The following GFOD1 variants were observed in gnomAD, a reference collection of about 807,000 sequenced individuals.
GFOD1 encodes the protein glucose-fructose oxidoreductase domain-containing protein 1.
GFOD1 carries 9 observed loss-of-function variants against 25.4 expected under a neutral mutation model. The observed-to-expected ratio is 0.35, with a 90% CI of 0.21 to 0.62. The LOEUF is 0.62. Ranked by LOEUF, GFOD1 falls within the 20% of genes least tolerant of loss-of-function variation. The pLI is 0.72. For synonymous variants in GFOD1, 253 were observed against 245.6 expected, an observed-to-expected ratio of 1.03 and a Z score of -0.28; for missense variants, 403 against 556.9, an observed-to-expected ratio of 0.72 and a Z score of 2.78.
chr6:13,469,867 G>C, intron 1 of GFOD1: 1 of 1,203,320 alleles, frequency 8.3e-7, no homozygotes. Context: ...AGTAACACTC[G>C]TACTATGTCT....
chr6:13,445,476 G>A (rs1484681240), intron 1 of GFOD1, among the ~76,000 whole-genome samples: 2 of 152,080 alleles, frequency 1.3e-5, no homozygotes, highest in Admixed American at 1.3e-4. Context: ...AAACTATTTA[G>A]GGAAACAAGC....
At chr6:13,374,513 C>T (rs113694893) in intron 1 of GFOD1, among the ~76,000 whole-genome samples, 7,058 of 151,658 alleles carry the variant, frequency 0.047, 303 homozygotes, top group African/African-American at 0.11. Context: ...TCCATGTTGG[C>T]CAGGCTGGTC....
chr6:13,365,746 C>T lies in GFOD1; in HGVS notation c.254-84G>A, dbSNP rs1785032549. The T allele has an allele frequency of 8.7e-6, 9 of 1,032,740 alleles. No homozygotes were observed. In the South Asian group the frequency reaches 1.2e-4, roughly 14 times the overall value. The allele number at this position is 1,032,740 out of a possible 1,614,324, so 64.0% of individuals were successfully genotyped here. ...CTGGGTCAGATCTTAAAATATTTCACATTAATAGAAAAAGAAGGTCAGATG... is the reference window on the plus strand; with the variant it reads ...CTGGGTCAGATCTTAAAATATTTCATATTAATAGAAAAAGAAGGTCAGATG... On this transcript the variant is annotated intron_variant, in intron 1 of 1. Coordinates refer to ENST00000379287, the MANE Select transcript of GFOD1 (RefSeq NM_018988.4). This position sits in a 1 kb window ranked among gnomAD's most constrained non-coding sequence, Gnocchi z 9.2.
chr6:13,403,257 C>T lies in GFOD1; in HGVS notation c.254-37595G>A, dbSNP rs187137491. Reference sequence around the variant, plus strand: ...TCTCCCGCCTCAGCCTCCTGAGTAGCTGGGATTACAGGCATGCACCACCAT... The same window carrying T: ...TCTCCCGCCTCAGCCTCCTGAGTAGTTGGGATTACAGGCATGCACCACCAT... On this transcript the variant is annotated intron_variant, in intron 1 of 1. Coordinates refer to ENST00000379287, the MANE Select transcript of GFOD1 (RefSeq NM_018988.4). Among the ~76,000 whole-genome samples the T allele has an allele frequency of 4.8e-3, 734 of 152,218 alleles. 3 individuals are homozygous for T. The highest frequency in any genetic ancestry group is 9.6e-3 in the Admixed American group (147 of 15,304).
intron 1 of GFOD1, among the ~76,000 whole-genome samples, chr6:13,427,566 G>A (rs190831060): frequency 1.6e-4 from 24 of 152,020 alleles, no homozygotes; most frequent in African/African-American, 5.3e-4. Context: ...CAGGAGGATC[G>A]CGTGAGCCCA....
intron 1 of GFOD1, among the ~76,000 whole-genome samples, chr6:13,465,895 T>C (rs569178626): frequency 1.2e-4 from 18 of 152,328 alleles, no homozygotes; most frequent in Non-Finnish European, 2.4e-4. Flanking sequence ...AACACCCAGC[T>C]GACACAGGAA....
intron 1 of GFOD1, among the ~76,000 whole-genome samples, chr6:13,393,497 G>A (rs1022067386): frequency 2.0e-5 from 3 of 151,408 alleles, no homozygotes; most frequent in Admixed American, 2.0e-4. Context: ...AGACCCTGCA[G>A]ACACAGCAAC....
intron 1 of GFOD1, among the ~76,000 whole-genome samples, chr6:13,386,859 A>C (rs994140193): frequency 6.6e-6 from 1 of 152,168 alleles, no homozygotes; most frequent in Non-Finnish European, 1.5e-5. Context: ...CCGGCCCTAC[A>C]GGGGGTTCAA....
chr6:13,389,094 C>A (rs1313869410), intron 1 of GFOD1, among the ~76,000 whole-genome samples: 1 of 152,118 alleles, frequency 6.6e-6, no homozygotes, highest in Non-Finnish European at 1.5e-5. Flanking sequence ...GAATGGCGAT[C>A]ATTAAAAAGT....
intron 1 of GFOD1, among the ~76,000 whole-genome samples, chr6:13,368,324 C>T (rs1425543374): frequency 6.6e-6 from 1 of 152,206 alleles, no homozygotes; most frequent in African/African-American, 2.4e-5. Context: ...CATGAAATAG[C>T]AGTGAGAAGC....
At position 13,360,401 on chromosome 6, in the gene GFOD1, G is replaced by T. The variant is rs1213408823; in HGVS notation, c.*4342C>A. 1.2e-5 allele frequency: 4 copies of T among 323,884 alleles called. No homozygotes were observed. The East Asian group carries it at 3.4e-4, about 28-fold the overall frequency. The allele number at this position is 323,884 out of a possible 1,614,324, so 20.1% of individuals were successfully genotyped here. On this transcript the variant is annotated 3_prime_UTR_variant, in exon 2 of 2. Transcript: ENST00000379287. ...CTATGAGACAAGATGAAGAGAGTAG[G>T]GGTGCAAAGAAAGGTGCAGTGCACA...
At chr6:13,433,379 A>C (rs911543429) in intron 1 of GFOD1, among the ~76,000 whole-genome samples, 1 of 152,178 alleles carries the variant, frequency 6.6e-6, no homozygotes, top group Non-Finnish European at 1.5e-5. Flanking sequence ...TTGGCCTCCC[A>C]AAGTGCTGGG....
At chr6:13,394,466 A>ATTTTTTTTTTTTTTTTTT (rs70989855) in intron 1 of GFOD1, among the ~76,000 whole-genome samples, 2 of 75,916 alleles carry the variant, frequency 2.6e-5, no homozygotes, top group African/African-American at 5.5e-5. Flanking sequence ...TACCCTTTGA[A>ATTTTTTTTTTTTTTTTTT]TTTTTTTTTT....
intron 1 of GFOD1, among the ~76,000 whole-genome samples, chr6:13,435,051 C>T (rs1394730060): frequency 1.3e-5 from 2 of 152,226 alleles, no homozygotes; most frequent in Non-Finnish European, 2.9e-5. Context: ...CAAGCACATT[C>T]TGTGCTATAC....
Position 13,409,153 on chromosome 6 carries a change from G to GAAAGAAAGAAAGAAAGAAAGAAA in GFOD1, c.254-43492_254-43491insTTTCTTTCTTTCTTTCTTTCTTT, listed in dbSNP as rs368758101. Among the ~76,000 whole-genome samples the GAAAGAAAGAAAGAAAGAAAGAAA allele has an allele frequency of 7.9e-4, 35 of 44,506 alleles. 9 individuals carry two copies. Among genetic ancestry groups the GAAAGAAAGAAAGAAAGAAAGAAA allele is most frequent in the East Asian group, 2.4e-3 (4 of 1,646 alleles). 29.2% of individuals were successfully genotyped at this position (44,506 alleles called of 152,430 possible). A position where few individuals can be genotyped will look rare whatever the true frequency, so the allele number is the denominator to read the frequency against. On this transcript the variant is annotated intron_variant, in intron 1 of 1. Transcript: ENST00000379287. ...AGAAAGAAAGAAAGAAAGAAAGAGA[G>GAAAGAAAGAAAGAAAGAAAGAAA]GAAAGAAAGAAAGGAAAGAGAGAGA...
chr6:13,391,256 T>TACCA (rs1242636974), intron 1 of GFOD1, among the ~76,000 whole-genome samples: 3 of 152,150 alleles, frequency 2.0e-5, no homozygotes, highest in African/African-American at 7.2e-5. Flanking sequence ...GCTAGCTAGC[T>TACCA]ACCAAAACAG....
rs762246817 is a variant in GFOD1 at position 13,486,786 on chromosome 6, C to T, written c.105G>A (p.Thr35=). Residue 35 remains threonine (T), a synonymous_variant, in exon 1 of 2, where the codon ACG becomes ACA. Transcript: ENST00000379287. ...GFAVKALWGR[T]QEEAEELAKE... is the part of the protein sequence containing the mutation. The stretch of plus-strand genomic sequence containing the variant: ...TGGCCAGCTCCTCCGCTTCTTCCTG[C>T]GTGCGGCCCCACAGCGCCTTCACCG... The T allele has an allele frequency of 1.2e-6, 2 of 1,614,124 alleles. No individual in the cohort carries two copies. Among genetic ancestry groups the T allele is most frequent in the South Asian group, 2.2e-5 (2 of 91,078 alleles).
intron 1 of GFOD1, among the ~76,000 whole-genome samples, chr6:13,459,535 C>A (rs1197914033): frequency 6.6e-6 from 1 of 151,972 alleles, no homozygotes; most frequent in African/African-American, 2.4e-5. Context: ...AGAGCTTCTA[C>A]ACAGCAAAAG....
chr6:13,467,486 T>C (rs1758397632), intron 1 of GFOD1, among the ~76,000 whole-genome samples: 1 of 152,178 alleles, frequency 6.6e-6, no homozygotes, highest in Non-Finnish European at 1.5e-5. Flanking sequence ...GGTGATGAAT[T>C]TTCTCAGGCC....
Sources: allele counts gnomAD v4.1 joint callset (sites outside exome capture counted in the v4.1 genomes callset), GRCh38; gene constraint gnomAD v4.1.1; non-coding constraint Gnocchi (gnomAD v3.1); transcripts MANE v1.5; gene names NCBI Gene and HGNC (gene_info 2026-07-23, HGNC 2026-07-21).